The following CACNA1E variants were observed in gnomAD, a reference collection of about 807,000 sequenced individuals.
CACNA1E encodes the protein calcium voltage-gated channel subunit alpha1 E.
Under a neutral mutation model 259.2 loss-of-function variants are expected in CACNA1E, and 40 were observed. The ratio of observed to expected loss-of-function variants is 0.15; its 90% CI spans 0.12 to 0.20. The LOEUF (loss-of-function observed/expected upper bound fraction) is 0.20. CACNA1E is among the 10% of genes least tolerant of loss of function. The pLI, the probability that CACNA1E is intolerant of heterozygous loss-of-function variation, is 1.00. For synonymous variants in CACNA1E, 1,104 were observed against 1,138.5 expected, an observed-to-expected ratio of 0.97 and a Z score of 0.61; for missense variants, 1,874 against 3,040.1, an observed-to-expected ratio of 0.62 and a Z score of 9.02.
intron 9 of CACNA1E, among the ~76,000 whole-genome samples, chr1:181,715,697 T>C (rs1165527769): frequency 6.6e-6 from 1 of 152,196 alleles, no homozygotes; most frequent in African/African-American, 2.4e-5. Flanking sequence ...TCTTAAAATG[T>C]GTGGGGATCA....
Position 181,612,537 on chromosome 1 carries a change from T to G in CACNA1E, c.951+31761T>G, listed in dbSNP as rs138007451. Among the ~76,000 whole-genome samples, 500 of 152,226 alleles carry G rather than the reference T, an allele frequency of 3.3e-3. 16 individuals carry two copies. The East Asian group carries it at 0.078, about 24-fold the overall frequency. ...GGGCTGGACTCTGGAGTAGATAGAG[T>G]TTACTCAGGAAAGCCTCTCACTAGA... On this transcript the variant is annotated intron_variant, in intron 6 of 47. Coordinates refer to ENST00000367573, the MANE Select transcript of CACNA1E (RefSeq NM_001205293.3).
chr1:181,670,833 A>G (rs1008122893), intron 7 of CACNA1E, among the ~76,000 whole-genome samples: 1 of 152,122 alleles, frequency 6.6e-6, no homozygotes, highest in Admixed American at 6.5e-5. Context: ...TTCACATTGT[A>G]TGTTCTATTT....
chr1:181,785,203 T>A, intron 41 of CACNA1E, 115 bp from the exon 42 acceptor site: 1 of 692,028 alleles, frequency 1.4e-6, no homozygotes, highest in Non-Finnish European at 2.6e-6. Flanking sequence ...ATTGGATGAA[T>A]GGGTGACTGA....
intron 30 of CACNA1E, among the ~76,000 whole-genome samples, chr1:181,757,390 G>A (rs933347340): frequency 6.6e-6 from 1 of 152,154 alleles, no homozygotes; most frequent in Non-Finnish European, 1.5e-5. Flanking sequence ...AGAAAACAAT[G>A]ATAACTTCAG....
chr1:181,656,161 A>G (rs960905793), intron 7 of CACNA1E, among the ~76,000 whole-genome samples: 1 of 152,210 alleles, frequency 6.6e-6, no homozygotes, highest in African/African-American at 2.4e-5. Flanking sequence ...TTTACAATTT[A>G]TTCCTACTTA....
chr1:181,492,733 G>A (rs144220551), intron 1 of CACNA1E, among the ~76,000 whole-genome samples: 1 of 152,230 alleles, frequency 6.6e-6, no homozygotes, highest in East Asian at 1.9e-4. Context: ...GCAAGAGGTT[G>A]TCAGATGATA....
chr1:181,564,887 CT>C (rs34262228), intron 3 of CACNA1E, among the ~76,000 whole-genome samples: 56,446 of 147,212 alleles, frequency 0.38, 12,765 homozygotes, highest in East Asian at 0.68. Flanking sequence ...TGAAAGGAAT[CT>C]TTTTTTTTTT....
intron 3 of CACNA1E, among the ~76,000 whole-genome samples, chr1:181,570,500 G>A (rs1031635591): frequency 1.1e-4 from 17 of 152,166 alleles, no homozygotes; most frequent in Non-Finnish European, 7.3e-5. Flanking sequence ...GTGGCTTAAA[G>A]CAACACGTGT....
At chr1:181,751,485 G>T (rs77080119) in intron 26 of CACNA1E, among the ~76,000 whole-genome samples, 1 of 152,114 alleles carries the variant, frequency 6.6e-6, no homozygotes, top group African/African-American at 2.4e-5. Context: ...TGGGGTGTGA[G>T]CCAAGGTCCT....
chr1:181,554,225 C>G (rs1013611360), intron 3 of CACNA1E, among the ~76,000 whole-genome samples: 3 of 152,108 alleles, frequency 2.0e-5, no homozygotes, highest in African/African-American at 7.2e-5. Flanking sequence ...GTTGCCCAGG[C>G]TGGTCTCGAA....
chr1:181,784,288 A>G (rs1365767721), intron 40 of CACNA1E, among the ~76,000 whole-genome samples: 1 of 152,124 alleles, frequency 6.6e-6, no homozygotes, highest in African/African-American at 2.4e-5. Context: ...CACTCAGACT[A>G]TGGAGTTAGG....
intron 1 of CACNA1E, among the ~76,000 whole-genome samples, chr1:181,322,613 G>T (rs1650447439): frequency 1.3e-5 from 2 of 152,260 alleles, no homozygotes; most frequent in African/African-American, 4.8e-5. Flanking sequence ...ATTCAAGAAG[G>T]TTCTATTGTC....
At chr1:181,354,120 T>G (rs1048987409) in intron 1 of CACNA1E, among the ~76,000 whole-genome samples, 2 of 151,330 alleles carry the variant, frequency 1.3e-5, no homozygotes, top group African/African-American at 4.9e-5. Flanking sequence ...TATATCAGAC[T>G]GGCAGCTGAA....
chr1:181,454,265 C>T (rs911015285), intron 2 of CACNA1E, among the ~76,000 whole-genome samples: 7 of 152,192 alleles, frequency 4.6e-5, no homozygotes, highest in East Asian at 1.9e-4. Flanking sequence ...GATCAGGCCC[C>T]CATCCCCACC....
intron 35 of CACNA1E, among the ~76,000 whole-genome samples, chr1:181,767,220 A>T (rs1659096310): frequency 6.6e-6 from 1 of 152,162 alleles, no homozygotes; most frequent in South Asian, 2.1e-4. Context: ...AACTTCCTGG[A>T]CAGTTCCCTT....
At chr1:181,610,689 C>G (rs1253602523) in intron 6 of CACNA1E, among the ~76,000 whole-genome samples, 1 of 152,152 alleles carries the variant, frequency 6.6e-6, no homozygotes, top group East Asian at 1.9e-4. Flanking sequence ...TCCTGAGGCT[C>G]AAGAAATCCC....
In CACNA1E at chr1:181,390,810, T is replaced by G. The variant is rs114639818; in HGVS notation, c.-14-22323T>G. Among the ~76,000 whole-genome samples the G allele has an allele frequency of 4.2e-3, 640 of 152,272 alleles. 8 individuals carry two copies. The highest frequency in any genetic ancestry group is 0.013 in the African/African-American group (555 of 41,532). ...CATTCAAGCAGGGGAAAAAGTCAGA[T>G]GGACATGTAACTATGTAATTATAGT... On this transcript the variant is annotated intron_variant, in intron 1 of 11. Transcript: ENST00000524607.
intron 2 of CACNA1E, among the ~76,000 whole-genome samples, chr1:181,475,812 G>A (rs1662807992): frequency 6.6e-6 from 1 of 152,144 alleles, no homozygotes; most frequent in Non-Finnish European, 1.5e-5. Flanking sequence ...TGGGGATGAG[G>A]GACAATCCAT....
At chr1:181,719,263 G>T (rs1333934397) in intron 12 of CACNA1E, among the ~76,000 whole-genome samples, 1 of 152,198 alleles carries the variant, frequency 6.6e-6, no homozygotes, top group Non-Finnish European at 1.5e-5. Context: ...GCAGCAATCA[G>T]ATCCTACATC....
Sources: allele counts gnomAD v4.1 joint callset (sites outside exome capture counted in the v4.1 genomes callset), GRCh38; gene constraint gnomAD v4.1.1; transcripts MANE v1.5; gene names NCBI Gene and HGNC (gene_info 2026-07-23, HGNC 2026-07-21).